The following THSD4 variants were observed in gnomAD, a reference collection of about 807,000 sequenced individuals.
The protein encoded by THSD4 is thrombospondin type-1 domain-containing protein 4.
THSD4 carries 69 observed loss-of-function variants against 119.0 expected under a neutral mutation model. That is an observed-to-expected ratio of 0.58 (90% confidence interval 0.48 to 0.71). The LOEUF is 0.71. THSD4 is among the 30% of genes least tolerant of loss of function. THSD4 has a pLI of 0.00. For synonymous variants in THSD4, 524 were observed against 540.4 expected, an observed-to-expected ratio of 0.97 and a Z score of 0.42; for missense variants, 1,393 against 1,391.1, an observed-to-expected ratio of 1.00 and a Z score of -0.02.
chr15:71,215,006 G>A (rs1345041038), intron 3 of THSD4, 29 bp from the exon 4 acceptor site: 8 of 1,242,468 alleles, frequency 6.4e-6, no homozygotes, highest in Admixed American at 8.6e-5. Flanking sequence ...GCGGTGTTCT[G>A]GTCCCCTAAC....
chr15:71,666,004 A>G (rs2051410330), intron 8 of THSD4, among the ~76,000 whole-genome samples: 1 of 152,100 alleles, frequency 6.6e-6, no homozygotes, highest in Non-Finnish European at 1.5e-5. Flanking sequence ...TTTGATCCAT[A>G]TGCATTTTAA....
rs1343093485 is a variant in THSD4 at position 71,773,516 on chromosome 15, A to T, written c.2914+2308A>T. Among the ~76,000 whole-genome samples the T allele has an allele frequency of 7.2e-5, 11 of 152,340 alleles. No individual in the cohort carries two copies. The East Asian group carries it at 1.2e-3, about 16-fold the overall frequency. On this transcript the variant is annotated intron_variant, in intron 17 of 17. Coordinates refer to ENST00000261862, the MANE Select transcript of THSD4 (RefSeq NM_024817.3). ...AAGCAGGGGAAATTGTCTAACTTCT[A>T]ATTATATAAAATCCAACTAGAGAAA...
intron 7 of THSD4, among the ~76,000 whole-genome samples, chr15:71,627,080 C>CTT (rs2050523692): frequency 9.6e-6 from 1 of 104,220 alleles, no homozygotes; most frequent in African/African-American, 4.0e-5. Flanking sequence ...GGTTTTGACA[C>CTT]TCTTTTTTTT....
At chr15:71,612,773 C>G (rs2050253050) in intron 7 of THSD4, among the ~76,000 whole-genome samples, 1 of 152,136 alleles carries the variant, frequency 6.6e-6, no homozygotes, top group Non-Finnish European at 1.5e-5. Flanking sequence ...TGATATGGCT[C>G]AAAGGTCCAA....
intron 6 of THSD4, among the ~76,000 whole-genome samples, chr15:71,400,395 T>A (rs1436977129): frequency 6.6e-6 from 1 of 152,216 alleles, no homozygotes; most frequent in Non-Finnish European, 1.5e-5. Flanking sequence ...CTGAGAATCA[T>A]TCTCCTCATC....
chr15:71,124,581 G>A (rs764893564), intron 1 of THSD4, among the ~76,000 whole-genome samples: 1 of 152,120 alleles, frequency 6.6e-6, no homozygotes. Context: ...AAAGATTGGG[G>A]TATTTATCAG....
chr15:71,277,128 C>CTTCTTCTTCTTTTTTTTTTTTTTTTTTTT (rs1555459953), intron 6 of THSD4, among the ~76,000 whole-genome samples: 1 of 123,020 alleles, frequency 8.1e-6, no homozygotes, highest in South Asian at 2.5e-4. Context: ...TCTTCTTCTT[C>CTTCTTCTTCTTTTTTTTTTTTTTTTTTTT]TTTTTTTTTT....
At chr15:71,286,023 C>T (rs1353253825) in intron 6 of THSD4, among the ~76,000 whole-genome samples, 1 of 151,638 alleles carries the variant, frequency 6.6e-6, no homozygotes, top group Non-Finnish European at 1.5e-5. Flanking sequence ...TTTATATATC[C>T]ACAGTGATAA....
chr15:71,664,809 T>G (rs1466218507), intron 8 of THSD4, among the ~76,000 whole-genome samples: 1 of 152,236 alleles, frequency 6.6e-6, no homozygotes, highest in African/African-American at 2.4e-5. Flanking sequence ...CCCATGTTCC[T>G]GCAAAGGACA....
At chr15:71,609,544 G>T (rs12898420) in intron 7 of THSD4, among the ~76,000 whole-genome samples, 24,072 of 152,016 alleles carry the variant, frequency 0.16, 1,916 homozygotes, top group Middle Eastern at 0.21. Context: ...ACACATGGAG[G>T]GAGAGAGTAT....
intron 1 of THSD4, among the ~76,000 whole-genome samples, chr15:71,123,175 G>C (rs1338499492): frequency 1.3e-5 from 2 of 152,230 alleles, no homozygotes; most frequent in African/African-American, 4.8e-5. Flanking sequence ...GAGGTCTCTT[G>C]GAGTGGAAGG....
At chr15:71,469,032 A>G (rs77861071) in intron 7 of THSD4, among the ~76,000 whole-genome samples, 2 of 152,332 alleles carry the variant, frequency 1.3e-5, no homozygotes, top group East Asian at 1.9e-4. Context: ...GAGAATAAAT[A>G]TTGGAAGACA....
intron 4 of THSD4, among the ~76,000 whole-genome samples, chr15:71,217,804 T>TTTA (rs2043946891): frequency 6.6e-6 from 1 of 150,824 alleles, no homozygotes; most frequent in African/African-American, 2.4e-5. Context: ...TTTTTTTTTT[T>TTTA]GAGATGTAGT....
At chr15:71,614,986 C>G (rs570659496) in intron 7 of THSD4, among the ~76,000 whole-genome samples, 1 of 152,282 alleles carries the variant, frequency 6.6e-6, no homozygotes, top group Admixed American at 6.5e-5. Context: ...TGAGGTGTTG[C>G]GCGGAATAGG....
At chr15:71,642,247 C>T (rs1459208979) in intron 7 of THSD4, among the ~76,000 whole-genome samples, 1 of 152,172 alleles carries the variant, frequency 6.6e-6, no homozygotes, top group African/African-American at 2.4e-5. Flanking sequence ...TAAAAGTTAA[C>T]ATTAAGAGTC....
chr15:71,499,621 A>G (rs1442240157), intron 7 of THSD4, among the ~76,000 whole-genome samples: 1 of 152,172 alleles, frequency 6.6e-6, no homozygotes, highest in African/African-American at 2.4e-5. Context: ...TCATCTTACA[A>G]AACTGAAACT....
intron 7 of THSD4, among the ~76,000 whole-genome samples, chr15:71,476,636 T>C (rs10163070): frequency 0.66 from 100,185 of 152,104 alleles, 33,321 homozygotes; most frequent in Non-Finnish European, 0.7. Flanking sequence ...ATGTCCTGTT[T>C]GTCTTCAAGG....
chr15:71,728,652 A>T lies in THSD4; in HGVS notation c.1461A>T (p.Pro487=). 1 of 1,614,270 alleles carries T rather than the reference A, an allele frequency of 6.2e-7. No individual in the cohort carries two copies. The highest frequency in any genetic ancestry group is 8.5e-7 in the Non-Finnish European group (1 of 1,180,052). ...GGACCATGTTCACCTACAAGCGTCC[A>T]AATGAGATTTCGAGCACTGCCGGAG... The part of the protein sequence containing the change: ...GGGTMFTYKR[P]NEISSTAGES... The change falls in exon 9 of 18, where the codon CCA becomes CCT. Residue 487 remains proline (P), a synonymous_variant. Transcript: ENST00000261862.
At position 71,476,911 on chromosome 15, in the gene THSD4, T is replaced by C. The variant is rs1039352414; in HGVS notation, c.1152+65088T>C. On this transcript the variant is annotated intron_variant, in intron 7 of 17. Coordinates refer to ENST00000261862, the MANE Select transcript of THSD4 (RefSeq NM_024817.3). ...GCCTCATCAGTTATCTGGGCCGACA[T>C]AGGTTTCCAATCCTTTTCTATAGGG... Among the ~76,000 whole-genome samples, 3 of 152,190 alleles carry C rather than the reference T, an allele frequency of 2.0e-5. No homozygotes were observed. The South Asian group carries it at 6.2e-4, about 32-fold the overall frequency.
Sources: allele counts gnomAD v4.1 joint callset (sites outside exome capture counted in the v4.1 genomes callset), GRCh38; gene constraint gnomAD v4.1.1; transcripts MANE v1.5; gene names NCBI Gene and HGNC (gene_info 2026-07-23, HGNC 2026-07-21).